TPRG1: variants seen among roughly 807,000 people sequenced by gnomAD.
TPRG1 encodes the protein tumor protein p63-regulated gene 1 protein.
TPRG1 carries 29 observed loss-of-function variants against 29.3 expected under a neutral mutation model. The ratio of observed to expected loss-of-function variants is 0.99; its 90% confidence interval spans 0.74 to 1.35. The LOEUF (loss-of-function observed/expected upper bound fraction) is 1.35, where lower values mean the gene tolerates loss of function less well. Ranked by LOEUF, TPRG1 falls within the 40% of genes most tolerant of loss-of-function variation. TPRG1 has a pLI of 0.00. For missense variants in TPRG1, 327 were observed against 335.0 expected (o/e 0.98, Z 0.19); for synonymous variants, 130 against 116.8 (o/e 1.11, Z -0.73).
rs1268611502 is a variant in TPRG1, at chr3:189,324,675, TA to T, written c.*3858del. 1 of 152,104 alleles carries T rather than the reference TA, an allele frequency of 6.6e-6. No homozygotes were observed. The highest frequency in any genetic ancestry group is 1.9e-4 in the East Asian group (1 of 5,186). 9.4% of individuals were successfully genotyped at this position (152,104 alleles called of 1,614,324 possible). On this transcript the variant is annotated 3_prime_UTR_variant, in exon 6 of 6. Transcript: ENST00000345063. The stretch of plus-strand genomic sequence containing the variant: ...CAGGAGAGGGGGAGGGCAAAGGTAT[TA>T]AATTTAGGCTTAAAAGCTCCTCAGA...
intron 3 of TPRG1, among the ~76,000 whole-genome samples, chr3:189,009,539 TA>T (rs1712484512): frequency 6.6e-6 from 1 of 152,112 alleles, no homozygotes; most frequent in Non-Finnish European, 1.5e-5. Flanking sequence ...ATTGTAAAAG[TA>T]ACCCCTGATT....
rs1299140423 is a variant in TPRG1, at chr3:189,323,277, C to T, written c.*2457C>T. The T allele has an allele frequency of 1.3e-5, 2 of 152,062 alleles. No homozygotes were observed. Among genetic ancestry groups the T allele is most frequent in the African/African-American group, 4.8e-5 (2 of 41,398 alleles). The allele number at this position is 152,062 out of a possible 1,614,324, so 9.4% of individuals were successfully genotyped here. ...ATTTTCCAAATAATTGTTGCTAGTACTTAGTTAATTAGACCCATTTTTTTC... is the reference window on the plus strand; with the variant it reads ...ATTTTCCAAATAATTGTTGCTAGTATTTAGTTAATTAGACCCATTTTTTTC... On this transcript the variant is annotated 3_prime_UTR_variant, in exon 6 of 6. Transcript: ENST00000345063.
chr3:189,292,888 C>T (rs1719251258), intron 4 of TPRG1, among the ~76,000 whole-genome samples: 1 of 152,024 alleles, frequency 6.6e-6, no homozygotes, highest in African/African-American at 2.4e-5. Flanking sequence ...AGAAAGGTGT[C>T]CTTGGAGGTA....
intron 4 of TPRG1, among the ~76,000 whole-genome samples, chr3:189,286,523 G>GA (rs1718083026): frequency 6.6e-6 from 1 of 152,042 alleles, no homozygotes; most frequent in Non-Finnish European, 1.5e-5. Flanking sequence ...CCTACTTCCA[G>GA]GACATAGGGG....
intron 4 of TPRG1, among the ~76,000 whole-genome samples, chr3:189,033,445 C>A (rs978577109): frequency 5.3e-5 from 8 of 151,956 alleles, no homozygotes; most frequent in African/African-American, 1.9e-4. Flanking sequence ...CCACGCCCAG[C>A]TAATTTTTGT....
At chr3:189,206,828 T>TGTGTGTGTGTGTGTGTGTGTGTGC (rs1001912347) in intron 1 of TPRG1, among the ~76,000 whole-genome samples, 16 of 151,900 alleles carry the variant, frequency 1.1e-4, no homozygotes, top group South Asian at 4.2e-4. Context: ...TGTGTGTGTG[T>TGTGTGTGTGTGTGTGTGTGTGTGC]GCACGCGTGT....
chr3:189,022,769 C>G (rs1371667775), intron 3 of TPRG1, among the ~76,000 whole-genome samples: 1 of 152,254 alleles, frequency 6.6e-6, no homozygotes, highest in Non-Finnish European at 1.5e-5. Context: ...GTTGGAACTT[C>G]CCGGCTGCTT....
intron 5 of TPRG1, among the ~76,000 whole-genome samples, chr3:189,160,328 A>G (rs1727304175): frequency 2.0e-5 from 3 of 152,186 alleles, no homozygotes. Context: ...AGTGATTTAG[A>G]TGATTGAAGA....
intron 4 of TPRG1, among the ~76,000 whole-genome samples, chr3:189,290,867 C>T (rs1718874971): frequency 6.6e-6 from 1 of 152,114 alleles, no homozygotes; most frequent in African/African-American, 2.4e-5. Flanking sequence ...CCTGAGACAG[C>T]TGTAGTTTAG....
intron 1 of TPRG1, among the ~76,000 whole-genome samples, chr3:189,120,790 A>G (rs866048975): frequency 6.6e-6 from 1 of 152,258 alleles, no homozygotes; most frequent in East Asian, 1.9e-4. Flanking sequence ...CAAACCTGGT[A>G]AACCTCGATA....
At position 189,238,868 on chromosome 3, in the gene TPRG1, C is replaced by T; in HGVS notation, c.438C>T (p.Ile146=). 1 of 1,613,470 alleles carries T rather than the reference C, an allele frequency of 6.2e-7. No homozygotes were observed. The highest frequency in any genetic ancestry group is 8.5e-7 in the Non-Finnish European group (1 of 1,179,578). The change falls in exon 4 of 6, where the codon ATC becomes ATT. Residue 146 remains isoleucine, a synonymous_variant. Coordinates refer to ENST00000345063, the MANE Select transcript of TPRG1 (RefSeq NM_198485.4). The stretch of plus-strand genomic sequence containing the variant: ...TTCCTCTGAGCGCTGTCTATCGCAT[C>T]TGCCTGGGCAAGTTCACCTTCCCTG... ...QRIPLSAVYR[I]CLGKFTFPGM...
chr3:189,088,745 A>C (rs1193869823), intron 4 of TPRG1, among the ~76,000 whole-genome samples: 1 of 152,202 alleles, frequency 6.6e-6, no homozygotes, highest in African/African-American at 2.4e-5. Context: ...GAAATAAAAG[A>C]CTTTGAAAAT....
chr3:189,307,967 T>C (rs62292399), intron 4 of TPRG1, among the ~76,000 whole-genome samples: 2,430 of 152,290 alleles, frequency 0.016, 31 homozygotes, highest in Admixed American at 0.033. Flanking sequence ...TCAGTGGGGC[T>C]AATTAGATGC....
intron 3 of TPRG1, among the ~76,000 whole-genome samples, chr3:189,144,730 T>A (rs1725021354): frequency 6.6e-6 from 1 of 152,204 alleles, no homozygotes; most frequent in African/African-American, 2.4e-5. Context: ...TCACTAGAAG[T>A]TAATAGGAGT....
intron 1 of TPRG1, among the ~76,000 whole-genome samples, chr3:189,109,785 A>T (rs1720289484): frequency 1.3e-5 from 2 of 152,088 alleles, no homozygotes; most frequent in African/African-American, 4.8e-5. Flanking sequence ...CACAATCAAC[A>T]TGTAGAACAT....
rs532180453 is a variant in TPRG1, at chr3:189,019,396, A to G, written c.-659-4354A>G. ...TCGTAGATAGCTCTTATTATTTTGA[A>G]ATACGTCCCATCAATACCTAATTTA... On this transcript the variant is annotated intron_variant, in intron 3 of 10. Transcript: ENST00000433971. Among the ~76,000 whole-genome samples, 32 of 152,174 alleles carry G rather than the reference A, an allele frequency of 2.1e-4. No homozygotes were observed. The East Asian group carries it at 3.9e-3, about 18-fold the overall frequency.
intron 4 of TPRG1, among the ~76,000 whole-genome samples, chr3:189,040,851 A>T (rs1714588723): frequency 6.6e-6 from 1 of 152,144 alleles, no homozygotes; most frequent in Non-Finnish European, 1.5e-5. Context: ...CCTCAGTGTC[A>T]TTCTTCCTCT....
intron 2 of TPRG1, among the ~76,000 whole-genome samples, chr3:189,129,541 G>T (rs1722872712): frequency 6.6e-6 from 1 of 152,118 alleles, no homozygotes; most frequent in African/African-American, 2.4e-5. Context: ...ATAAAAATAT[G>T]CTGTTTATAC....
At chr3:189,196,676 C>G (rs1732586116) in intron 1 of TPRG1, among the ~76,000 whole-genome samples, 1 of 152,108 alleles carries the variant, frequency 6.6e-6, no homozygotes, top group Non-Finnish European at 1.5e-5. Flanking sequence ...ATTATGGGAG[C>G]TACAATTCAA....
Sources: allele counts gnomAD v4.1 joint callset (sites outside exome capture counted in the v4.1 genomes callset), GRCh38; gene constraint gnomAD v4.1.1; transcripts MANE v1.5; gene names NCBI Gene and HGNC (gene_info 2026-07-23, HGNC 2026-07-21).